The following COL24A1 variants were observed in gnomAD, a reference collection of about 807,000 sequenced individuals.
The protein encoded by COL24A1 is collagen alpha-1(XXIV) chain.
Under a neutral mutation model 253.9 loss-of-function variants are expected in COL24A1, and 224 were observed. The observed-to-expected ratio is 0.88, with a 90% CI of 0.79 to 0.99. COL24A1 has a LOEUF of 0.99. Ranked by LOEUF, COL24A1 falls within the 50% of genes least tolerant of loss-of-function variation. The pLI, the probability that COL24A1 is intolerant of heterozygous loss-of-function variation, is 0.00. For missense variants in COL24A1, 2,131 were observed against 2,068.5 expected, an observed-to-expected ratio of 1.03 and a Z score of -0.59; for synonymous variants, 685 against 673.7, an observed-to-expected ratio of 1.02 and a Z score of -0.26.
intron 14 of COL24A1, among the ~76,000 whole-genome samples, chr1:86,029,697 C>A (rs539895961): frequency 4.0e-5 from 6 of 150,626 alleles, no homozygotes; most frequent in Non-Finnish European, 7.4e-5. Flanking sequence ...CTCACTGCTG[C>A]CTCTAACTCC....
chr1:86,008,074 T>C (rs1030535507), intron 19 of COL24A1, among the ~76,000 whole-genome samples: 1 of 152,004 alleles, frequency 6.6e-6, no homozygotes, highest in African/African-American at 2.4e-5. Context: ...ATTTCAAGAA[T>C]GCAAGTTGAG....
At chr1:85,966,225 A>G (rs192282620) in intron 22 of COL24A1, among the ~76,000 whole-genome samples, 5 of 152,220 alleles carry the variant, frequency 3.3e-5, no homozygotes, top group Non-Finnish European at 5.9e-5. Flanking sequence ...TCAGGTTTTT[A>G]ATGTAAGAGT....
chr1:85,742,670 C>G (rs1420208951), intron 57 of COL24A1, among the ~76,000 whole-genome samples: 3 of 152,022 alleles, frequency 2.0e-5, no homozygotes, highest in Non-Finnish European at 4.4e-5. Flanking sequence ...ATTGCATCTC[C>G]TGTTAACAAC....
chr1:85,796,594 GT>G (rs1428925349), intron 47 of COL24A1, among the ~76,000 whole-genome samples: 1 of 152,150 alleles, frequency 6.6e-6, no homozygotes, highest in Non-Finnish European at 1.5e-5. Flanking sequence ...CATGAGGGCA[GT>G]TTTTTGACCA....
chr1:85,810,201 G>A (rs1672387454), intron 47 of COL24A1, among the ~76,000 whole-genome samples: 1 of 152,024 alleles, frequency 6.6e-6, no homozygotes, highest in South Asian at 2.1e-4. Context: ...TATACACTAA[G>A]TATAATATAT....
chr1:86,075,418 A>G (rs909258673), intron 7 of COL24A1, among the ~76,000 whole-genome samples: 1 of 152,176 alleles, frequency 6.6e-6, no homozygotes, highest in Non-Finnish European at 1.5e-5. Flanking sequence ...CCAACTAAAA[A>G]AAAGCCCAGG....
intron 4 of COL24A1, among the ~76,000 whole-genome samples, chr1:86,112,943 TTCTAA>T: frequency 6.6e-6 from 1 of 152,224 alleles, no homozygotes; most frequent in East Asian, 1.9e-4. Flanking sequence ...TCTTATACTG[TTCTAA>T]TCTGTTACTT....
chr1:86,108,785 C>A (rs149215388), intron 5 of COL24A1, among the ~76,000 whole-genome samples: 9,346 of 146,782 alleles, frequency 0.064, 362 homozygotes, highest in East Asian at 0.14. Context: ...CCAGCCTGGG[C>A]AACAGGAGCA....
At chr1:85,837,866 ACAACCT>A (rs1676189225) in intron 43 of COL24A1, among the ~76,000 whole-genome samples, 2 of 152,162 alleles carry the variant, frequency 1.3e-5, no homozygotes, top group South Asian at 4.1e-4. Flanking sequence ...GAGACAGGAG[ACAACCT>A]CTAACTCTGT....
chr1:85,853,918 T>G (rs1267099693), intron 37 of COL24A1, among the ~76,000 whole-genome samples: 1 of 152,238 alleles, frequency 6.6e-6, no homozygotes, highest in African/African-American at 2.4e-5. Context: ...TTAGGTTGTC[T>G]GTTTACTCTT....
chr1:86,148,053 G>A (rs188913761), intron 1 of COL24A1, among the ~76,000 whole-genome samples: 99 of 152,230 alleles, frequency 6.5e-4, no homozygotes, highest in Admixed American at 5.4e-3. Context: ...TACTGATCTG[G>A]GACTACATTC....
intron 38 of COL24A1, 71 bp downstream of exon 38, chr1:85,849,282 T>C: frequency 8.9e-7 from 1 of 1,123,832 alleles, no homozygotes; most frequent in East Asian, 2.4e-5. Flanking sequence ...ATTAAAAACA[T>C]TACAGCAGTC....
At chr1:86,003,262 C>G (rs994995838) in intron 19 of COL24A1, among the ~76,000 whole-genome samples, 3 of 152,146 alleles carry the variant, frequency 2.0e-5, no homozygotes, top group African/African-American at 7.2e-5. Context: ...TTAGAACTTG[C>G]CATTATGTCC....
chr1:85,846,586 G>A (rs935678147), intron 39 of COL24A1, among the ~76,000 whole-genome samples: 1 of 151,784 alleles, frequency 6.6e-6, no homozygotes, highest in African/African-American at 2.4e-5. Flanking sequence ...ATATGAACAG[G>A]CAACTTCCAT....
chr1:86,028,493 T>G (rs1050021216), intron 14 of COL24A1, among the ~76,000 whole-genome samples: 1 of 152,174 alleles, frequency 6.6e-6, no homozygotes, highest in East Asian at 1.9e-4. Flanking sequence ...CTGTTTGCAT[T>G]CACTCTGCTA....
intron 24 of COL24A1, among the ~76,000 whole-genome samples, chr1:85,929,730 T>C (rs1687628439): frequency 7.1e-6 from 1 of 140,714 alleles, no homozygotes; most frequent in Non-Finnish European, 1.5e-5. Flanking sequence ...TATAACAAAC[T>C]ATCTCTCAGA....
At chr1:85,790,768 G>A (rs538668647) in intron 47 of COL24A1, among the ~76,000 whole-genome samples, 8 of 152,034 alleles carry the variant, frequency 5.3e-5, no homozygotes, top group Non-Finnish European at 1.0e-4. Flanking sequence ...TGAATTAGAT[G>A]GCAAAGCCTT....
In COL24A1 at chr1:85,924,283, C is replaced by G. The variant is rs918733626; in HGVS notation, c.2563-12850G>C. On this transcript the variant is annotated intron_variant, in intron 24 of 59. Transcript: ENST00000370571. The stretch of plus-strand genomic sequence containing the variant: ...CCATTCCTTCTGAAACTATTCCAAG[C>G]AATAGAAAAAGAGGGACTCCTCCTT... 2.6e-5 allele frequency among the ~76,000 whole-genome samples: 4 copies of G among 152,120 alleles called. 1 individual carries two copies. In the South Asian group the frequency reaches 8.3e-4, roughly 31 times the overall value.
chr1:85,951,064 G>A (rs116357557), intron 24 of COL24A1, among the ~76,000 whole-genome samples: 2,566 of 152,274 alleles, frequency 0.017, 32 homozygotes, highest in Non-Finnish European at 0.026. Flanking sequence ...AGAATCTGTC[G>A]CATTTTCAGA....
Sources: allele counts gnomAD v4.1 joint callset (sites outside exome capture counted in the v4.1 genomes callset), GRCh38; gene constraint gnomAD v4.1.1; transcripts MANE v1.5; gene names NCBI Gene and HGNC (gene_info 2026-07-23, HGNC 2026-07-21).